MTUS2: variants seen among roughly 807,000 people sequenced by gnomAD.
The protein encoded by MTUS2 is microtubule-associated tumor suppressor candidate 2.
Under a neutral mutation model 114.1 loss-of-function variants are expected in MTUS2, and 40 were observed. That is an observed-to-expected ratio of 0.35 (90% CI 0.27 to 0.46). The LOEUF (loss-of-function observed/expected upper bound fraction) is 0.46, where lower values mean the gene tolerates loss of function less well. Ranked by LOEUF, MTUS2 falls within the 20% of genes least tolerant of loss-of-function variation. MTUS2 has a pLI of 1.00. For synonymous variants in MTUS2, 688 were observed against 672.0 expected, an observed-to-expected ratio of 1.02 and a Z score of -0.37; for missense variants, 1,679 against 1,705.4, an observed-to-expected ratio of 0.98 and a Z score of 0.27.
intron 2 of MTUS2, among the ~76,000 whole-genome samples, chr13:28,926,759 T>G (rs1302208256): frequency 6.6e-6 from 1 of 152,136 alleles, no homozygotes; most frequent in African/African-American, 2.4e-5. Context: ...TTCCCATAAA[T>G]CCCCACAAAT....
At chr13:29,013,770 C>CCACACACACA (rs10647691) in intron 2 of MTUS2, among the ~76,000 whole-genome samples, 1 of 151,510 alleles carries the variant, frequency 6.6e-6, no homozygotes, top group Non-Finnish European at 1.5e-5. Context: ...GTTAAACTAT[C>CCACACACACA]CACACACACA....
intron 5 of MTUS2, among the ~76,000 whole-genome samples, chr13:29,184,753 C>T (rs60075430): frequency 0.025 from 3,857 of 152,114 alleles, 154 homozygotes; most frequent in African/African-American, 0.085. Context: ...AACAAACGGA[C>T]GACAAACAGC....
intron 1 of MTUS2, among the ~76,000 whole-genome samples, chr13:28,827,710 T>C (rs1856964): frequency 0.78 from 118,898 of 151,956 alleles, 47,122 homozygotes; most frequent in Non-Finnish European, 0.82. Flanking sequence ...GCTGGGTGTC[T>C]GGGGGAGACA....
At chr13:29,324,950 G>A (rs1329442701) in intron 7 of MTUS2, among the ~76,000 whole-genome samples, 1 of 152,126 alleles carries the variant, frequency 6.6e-6, no homozygotes, top group African/African-American at 2.4e-5. Flanking sequence ...CTCTGTGTAG[G>A]GGTATCTGCC....
chr13:29,353,423 C>T (rs1289679297), intron 7 of MTUS2, among the ~76,000 whole-genome samples: 1 of 152,134 alleles, frequency 6.6e-6, no homozygotes, highest in South Asian at 2.1e-4. Context: ...GCCTCAGCCT[C>T]CCAAAGTGCT....
chr13:29,068,184 A>C lies in MTUS2; in HGVS notation c.2447-32589A>C, dbSNP rs570842818. Among the ~76,000 whole-genome samples, 7 of 152,308 alleles carry C rather than the reference A, an allele frequency of 4.6e-5. No individual in the cohort carries two copies. The East Asian group carries it at 1.4e-3, about 29-fold the overall frequency. On this transcript the variant is annotated intron_variant, in intron 4 of 15. Coordinates refer to ENST00000612955, the MANE Select transcript of MTUS2 (RefSeq NM_001033602.4). Reference sequence around the variant, plus strand: ...TTATCTTGGAGGCTGCAAAAGAACCATTCAATTTGTTCTGATATTTAGTAT... The same window carrying C: ...TTATCTTGGAGGCTGCAAAAGAACCCTTCAATTTGTTCTGATATTTAGTAT...
intron 10 of MTUS2, among the ~76,000 whole-genome samples, chr13:29,483,717 A>G (rs1234585113): frequency 2.0e-5 from 3 of 152,196 alleles, no homozygotes; most frequent in Non-Finnish European, 2.9e-5. Flanking sequence ...AAGACAAGGT[A>G]TAACTCTTAT....
intron 2 of MTUS2, among the ~76,000 whole-genome samples, chr13:28,928,618 C>T (rs1030497836): frequency 9.2e-5 from 14 of 152,118 alleles, no homozygotes; most frequent in Non-Finnish European, 1.9e-4. Context: ...ATGGGGAACC[C>T]TTATATGCCA....
At chr13:29,483,298 G>T (rs1377600349) in intron 10 of MTUS2, among the ~76,000 whole-genome samples, 2 of 152,300 alleles carry the variant, frequency 1.3e-5, no homozygotes, top group East Asian at 3.9e-4. Flanking sequence ...ACTCAAATTG[G>T]GACTCGCCGG....
intron 1 of MTUS2, among the ~76,000 whole-genome samples, chr13:28,822,388 A>G (rs955138726): frequency 6.6e-6 from 1 of 152,186 alleles, no homozygotes; most frequent in Admixed American, 6.5e-5. Context: ...GCACTTTTAT[A>G]ATGAATTGCT....
intron 2 of MTUS2, among the ~76,000 whole-genome samples, chr13:28,862,376 C>T (rs1213975622): frequency 1.2e-4 from 18 of 152,104 alleles, no homozygotes; most frequent in African/African-American, 3.1e-4. Context: ...TTTGGAAGGC[C>T]GAGGCGGGTG....
intron 2 of MTUS2, among the ~76,000 whole-genome samples, chr13:28,994,519 G>A (rs1033193649): frequency 2.4e-4 from 37 of 152,218 alleles, no homozygotes; most frequent in Non-Finnish European, 3.8e-4. Flanking sequence ...TCCCACCAAT[G>A]GTGTAAAAGT....
In MTUS2 at chr13:28,851,780, G is replaced by C. The variant is rs1417199237; in HGVS notation, c.-243+11930G>C. Among the ~76,000 whole-genome samples, 3 of 151,670 alleles carry C rather than the reference G, an allele frequency of 2.0e-5. No individual in the cohort carries two copies. In the Admixed American group the frequency reaches 2.0e-4, roughly 10 times the overall value. ...GTGTCAGTTTCCGCCCCGGCCCTGT[G>C]GGATGTATCTGAGTGGGTAGGAGCA... On this transcript the variant is annotated intron_variant, in intron 2 of 15. Coordinates refer to ENST00000612955, the MANE Select transcript of MTUS2 (RefSeq NM_001033602.4).
chr13:29,312,470 TA>T (rs1787223922), intron 6 of MTUS2, among the ~76,000 whole-genome samples: 1 of 152,226 alleles, frequency 6.6e-6, no homozygotes, highest in Admixed American at 6.5e-5. Context: ...GGACACTTAA[TA>T]CTAAATAGAC....
intron 9 of MTUS2, among the ~76,000 whole-genome samples, chr13:29,458,366 A>T (rs563576003): frequency 6.6e-6 from 1 of 152,328 alleles, no homozygotes; most frequent in South Asian, 2.1e-4. Context: ...TCTTAAGATA[A>T]TTTTGAATGT....
intron 8 of MTUS2, among the ~76,000 whole-genome samples, chr13:29,406,013 T>TTACAGGCGTGAGTCACTGCC (rs2138519786): frequency 6.6e-6 from 1 of 152,324 alleles, no homozygotes. Flanking sequence ...AGTGCTGGGA[T>TTACAGGCGTGAGTCACTGCC]TACAGGCGTG....
chr13:28,919,860 T>G (rs527237953), intron 2 of MTUS2, among the ~76,000 whole-genome samples: 2 of 152,362 alleles, frequency 1.3e-5, no homozygotes, highest in East Asian at 3.9e-4. Flanking sequence ...TAGACTCTGA[T>G]GTACTCTTCA....
At chr13:28,939,083 A>G (rs1430755378) in intron 2 of MTUS2, among the ~76,000 whole-genome samples, 2 of 152,142 alleles carry the variant, frequency 1.3e-5, no homozygotes, top group East Asian at 1.9e-4. Context: ...GAGCAAGTCT[A>G]TTTTTGTATT....
At chr13:29,378,581 C>T (rs1249000584) in intron 8 of MTUS2, among the ~76,000 whole-genome samples, 1 of 152,134 alleles carries the variant, frequency 6.6e-6, no homozygotes, top group African/African-American at 2.4e-5. Context: ...CTCCTGTTCT[C>T]AGCTTCACTC....
Sources: gnomAD v4.1 joint callset for allele counts (sites outside exome capture counted in the v4.1 genomes callset) on GRCh38, gnomAD v4.1.1 for gene constraint, MANE v1.5 for transcripts, NCBI Gene and HGNC (gene_info 2026-07-23, HGNC 2026-07-21) for gene names.